GRIN3A: variants seen among roughly 807,000 people sequenced by gnomAD.
GRIN3A encodes glutamate ionotropic receptor NMDA type subunit 3A, also known as glutamate receptor ionotropic, NMDA 3A.
GRIN3A carries 47 observed loss-of-function variants against 92.4 expected under a neutral mutation model. That is an observed-to-expected ratio of 0.51 (90% CI 0.40 to 0.65). The LOEUF (loss-of-function observed/expected upper bound fraction) is 0.65, where lower values mean the gene tolerates loss of function less well. Among genes scored for constraint, GRIN3A ranks in the 30% least tolerant of loss-of-function variants. The pLI, the probability that GRIN3A is intolerant of heterozygous loss-of-function variation, is 0.00. For missense variants in GRIN3A, 1,324 were observed against 1,393.1 expected (o/e 0.95, Z 0.79); for synonymous variants, 527 against 540.6 (o/e 0.97, Z 0.35).
At chr9:101,724,492 T>G (rs1830059764) in intron 1 of GRIN3A, among the ~76,000 whole-genome samples, 1 of 151,776 alleles carries the variant, frequency 6.6e-6, no homozygotes, top group Non-Finnish European at 1.5e-5. Context: ...CGCCTCTCCC[T>G]CCGCACCTCC....
In GRIN3A at chr9:101,573,522, C is replaced by G. The variant is rs1422796361; in HGVS notation, c.3009-9G>C. ...GGGGTCCCACATTAGACCTAGGAAA[C>G]AGAGAAATTTTAGATTTACTTTCCA... On this transcript the variant is annotated splice_polypyrimidine_tract_variant and intron_variant, in intron 8 of 8. Transcript: ENST00000361820. 1 of 1,607,844 alleles carries G rather than the reference C, an allele frequency of 6.2e-7. No homozygotes were observed. The highest frequency in any genetic ancestry group is 1.1e-5 in the South Asian group (1 of 90,984).
rs1161455346 is a variant in GRIN3A, at chr9:101,669,908, AAC to A, written c.2352+150_2352+151del. The A allele has an allele frequency of 6.7e-5, 42 of 625,076 alleles. No homozygotes were observed. The Middle Eastern group carries it at 1.3e-3, about 19-fold the overall frequency. 38.7% of individuals were successfully genotyped at this position (625,076 alleles called of 1,614,324 possible). A position where few individuals can be genotyped will look rare whatever the true frequency, so the allele number is the denominator to read the frequency against. ...AAACAAACAATGGAATATTTAGTTA[AAC>A]CAGGCAACAGACTTTTGGACTAGTC... On this transcript the variant is annotated intron_variant, in intron 3 of 8. Coordinates refer to ENST00000361820, the MANE Select transcript of GRIN3A (RefSeq NM_133445.3).
At chr9:101,706,858 G>C (rs1348356821) in intron 1 of GRIN3A, among the ~76,000 whole-genome samples, 3 of 152,200 alleles carry the variant, frequency 2.0e-5, no homozygotes, top group Non-Finnish European at 4.4e-5. Flanking sequence ...GAAATAATGA[G>C]AGTGAATGTG....
At position 101,579,204 on chromosome 9, in the gene GRIN3A, T is replaced by C. The variant is rs1827860747; in HGVS notation, c.2923A>G (p.Thr975Ala). ...NKSKLQYWLH[T>A]SQRLHRAINT... The stretch of plus-strand genomic sequence containing the variant: ...ACACCTGTGGCACTCACCTGGCTGG[T>C]GTGGAGCCAGTATTGCAGCTTGGAT... Residue 975 changes from threonine to alanine, a missense_variant, in exon 7 of 9, where the codon ACC (threonine) becomes GCC (alanine). By Grantham distance (58) the Thr-to-Ala change is moderately conservative (BLOSUM62 0). Coordinates refer to ENST00000361820, the MANE Select transcript of GRIN3A (RefSeq NM_133445.3). 1.2e-6 allele frequency: 2 copies of C among 1,613,856 alleles called. No homozygotes were observed. The highest frequency in any genetic ancestry group is 2.2e-5 in the East Asian group (1 of 44,852).
chr9:101,706,526 G>A (rs1829817785), intron 1 of GRIN3A, among the ~76,000 whole-genome samples: 1 of 152,206 alleles, frequency 6.6e-6, no homozygotes, highest in African/African-American at 2.4e-5. Flanking sequence ...AGGTATTTAA[G>A]AATATCAGAA....
intron 1 of GRIN3A, among the ~76,000 whole-genome samples, chr9:101,709,607 C>T (rs762481728): frequency 1.3e-5 from 2 of 152,144 alleles, no homozygotes; most frequent in African/African-American, 2.4e-5. Context: ...TTTACTTGCT[C>T]GGTAAAATAA....
At chr9:101,645,611 T>G (rs1466375019) in intron 3 of GRIN3A, among the ~76,000 whole-genome samples, 1 of 151,222 alleles carries the variant, frequency 6.6e-6, no homozygotes, top group African/African-American at 2.4e-5. Flanking sequence ...TTTTCCATAG[T>G]GGCTGTACTA....
chr9:101,671,284 T>G (rs1193129312), intron 2 of GRIN3A, among the ~76,000 whole-genome samples, 177 bp from the exon 3 acceptor site: 1 of 152,188 alleles, frequency 6.6e-6, no homozygotes, highest in Non-Finnish European at 1.5e-5. Context: ...ATTATAGGAG[T>G]AAAGTCCTAT....
At chr9:101,640,763 G>A (rs1438791192) in intron 3 of GRIN3A, among the ~76,000 whole-genome samples, 2 of 152,144 alleles carry the variant, frequency 1.3e-5, no homozygotes, top group Admixed American at 1.3e-4. Flanking sequence ...ATAAAGAGGA[G>A]GTTCCCTGCA....
At chr9:101,580,434 T>G (rs563814052) in intron 6 of GRIN3A, among the ~76,000 whole-genome samples, 21 of 152,186 alleles carry the variant, frequency 1.4e-4, no homozygotes, top group Admixed American at 4.6e-4. Flanking sequence ...TTGAGAGAGA[T>G]AGAGATAGAG....
rs1413651506 is a variant in GRIN3A at position 101,613,960 on chromosome 9, TCTTA to T, written c.2615-437_2615-434del. On this transcript the variant is annotated intron_variant, in intron 5 of 8. Transcript: ENST00000361820. ...TTATCGGTGTTAATGCATGACCCTC[TCTTA>T]CTTTTTAAATTTATTTTTAATTTTT... 4.6e-5 allele frequency among the ~76,000 whole-genome samples: 7 copies of T among 152,308 alleles called. No individual in the cohort carries two copies. In the East Asian group the frequency reaches 9.7e-4, roughly 21 times the overall value.
chr9:101,627,171 G>A (rs891331003), intron 4 of GRIN3A, among the ~76,000 whole-genome samples: 1 of 152,218 alleles, frequency 6.6e-6, no homozygotes, highest in South Asian at 2.1e-4. Flanking sequence ...GAGGTAAAGG[G>A]ACTCTAAACT....
intron 1 of GRIN3A, among the ~76,000 whole-genome samples, chr9:101,712,439 A>G (rs1461322494): frequency 6.6e-6 from 1 of 152,228 alleles, no homozygotes; most frequent in Non-Finnish European, 1.5e-5. Context: ...CTTCAAAGTT[A>G]CAGAACTAAG....
chr9:101,626,217 T>C (rs1369276799), intron 4 of GRIN3A, among the ~76,000 whole-genome samples: 1 of 152,150 alleles, frequency 6.6e-6, no homozygotes, highest in Non-Finnish European at 1.5e-5. Context: ...AAAATACATA[T>C]CACACATCAC....
chr9:101,724,286 G>C (rs1273755018), intron 1 of GRIN3A, among the ~76,000 whole-genome samples: 1 of 152,224 alleles, frequency 6.6e-6, no homozygotes, highest in Non-Finnish European at 1.5e-5. Flanking sequence ...GGCCCGGCGA[G>C]AAATCAAGCG....
At position 101,580,188 on chromosome 9, in the gene GRIN3A, A is replaced by AC. The variant is rs561047715; in HGVS notation, c.2767-829dup. 2.1e-4 allele frequency among the ~76,000 whole-genome samples: 32 copies of AC among 151,874 alleles called. No individual in the cohort carries two copies. In the South Asian group the frequency reaches 6.7e-3, roughly 32 times the overall value. ...TCAGCATAAATTCCTGTTCCCTTTTACCCCTCCCTTGAAGTGCTTGCTCTC... is the reference window on the plus strand; with the variant it reads ...TCAGCATAAATTCCTGTTCCCTTTTACCCCCTCCCTTGAAGTGCTTGCTCTC... On this transcript the variant is annotated intron_variant, in intron 6 of 8. Transcript: ENST00000361820.
At chr9:101,588,228 T>G (rs1174638347) in intron 6 of GRIN3A, among the ~76,000 whole-genome samples, 1 of 152,168 alleles carries the variant, frequency 6.6e-6, no homozygotes, top group Non-Finnish European at 1.5e-5. Context: ...AACCTGGAAG[T>G]TTCTCATTAA....
rs1412810805 is a variant in GRIN3A, at chr9:101,573,409, A to C, written c.3113T>G (p.Leu1038Arg). ...GATGTCCTGGTGGATCCGGATGCCC[A>C]GCTGGTTTTGTCCTTCCTCATCACT... ...IFSDEEGQNQ[L>R]GIRIHQDIPL... The change falls in exon 9 of 9, where the codon CTG becomes CGG. Residue 1038 changes from leucine to arginine, a missense_variant. Transcript: ENST00000361820. 6.2e-7 allele frequency: 1 copy of C among 1,614,058 alleles called. No individual in the cohort carries two copies.
intron 6 of GRIN3A, among the ~76,000 whole-genome samples, chr9:101,607,377 T>C (rs921826290): frequency 5.9e-5 from 9 of 152,156 alleles, no homozygotes; most frequent in Non-Finnish European, 1.0e-4. Flanking sequence ...AAAGAGAGTG[T>C]TTAATTGCTC....
Sources: allele counts gnomAD v4.1 joint callset (sites outside exome capture counted in the v4.1 genomes callset), GRCh38; gene constraint gnomAD v4.1.1; transcripts MANE v1.5; gene names NCBI Gene and HGNC (gene_info 2026-07-23, HGNC 2026-07-21).